The following STMN3 variants were observed in gnomAD, a reference collection of about 807,000 sequenced individuals.
The protein encoded by STMN3 is stathmin 3, also known as stathmin-3.
Under a neutral mutation model 23.2 loss-of-function variants are expected in STMN3, and 24 were observed. The ratio of observed to expected loss-of-function variants is 1.03; its 90% confidence interval spans 0.75 to 1.45. The LOEUF (loss-of-function observed/expected upper bound fraction) is 1.45. Ranked by LOEUF, STMN3 falls within the 40% of genes most tolerant of loss-of-function variation. The pLI is 0.00. For synonymous variants in STMN3, 117 were observed against 103.4 expected, an observed-to-expected ratio of 1.13 and a Z score of -0.80; for missense variants, 235 against 237.6, an observed-to-expected ratio of 0.99 and a Z score of 0.07.
At chr20:63,650,059 C>T (rs1404980080) in intron 1 of STMN3, among the ~76,000 whole-genome samples, 1 of 151,472 alleles carries the variant, frequency 6.6e-6, no homozygotes, top group Non-Finnish European at 1.5e-5. Context: ...AACTCCTGAC[C>T]TCCGGTGATC....
Position 63,644,271 on chromosome 20 carries a change from G to A in STMN3, c.58C>T (p.Leu20Phe), listed in dbSNP as rs749713904. 1.2e-5 allele frequency: 20 copies of A among 1,613,632 alleles called. No individual in the cohort carries two copies. The Admixed American group carries it at 3.2e-4, about 26-fold the overall frequency. Residue 20 changes from leucine to phenylalanine, a missense_variant, in exon 2 of 5, where the codon CTC (leucine) becomes TTC (phenylalanine). Leu to Phe is a conservative substitution (Grantham distance 22). Coordinates refer to ENST00000370053, the MANE Select transcript of STMN3 (RefSeq NM_015894.4). ...EKMKELSVLS[L>F]ICSCFYTQPH... ...TGTGTGTAGAAGCAGGAGCAGATGA[G>A]CGACAGCACCGACAGCTCCTTCATC...
chr20:63,641,480 G>T lies in STMN3; in HGVS notation c.484-83C>A, dbSNP rs550443311. On this transcript the variant is annotated intron_variant, in intron 4 of 4. Coordinates refer to ENST00000370053, the MANE Select transcript of STMN3 (RefSeq NM_015894.4). ...AACCCCCAGGCGCGCAGGCCGTGGC[G>T]CCCTGGCACCCGCCCGGCCTCATCC... The T allele has an allele frequency of 8.3e-6, 10 of 1,199,046 alleles. No homozygotes were observed. The South Asian group carries it at 1.2e-4, about 14-fold the overall frequency. The allele number at this position is 1,199,046 out of a possible 1,614,324, so 74.3% of individuals were successfully genotyped here.
intron 1 of STMN3, among the ~76,000 whole-genome samples, chr20:63,645,563 G>A (rs1279302600): frequency 6.6e-6 from 1 of 152,238 alleles, no homozygotes; most frequent in Non-Finnish European, 1.5e-5. Context: ...GAAGGCGCCT[G>A]CTGTCACAGT....
rs912389228 is a variant in STMN3 at position 63,643,322 on chromosome 20, CG to C, written c.291+433del. Among the ~76,000 whole-genome samples, 21 of 152,276 alleles carry C rather than the reference CG, an allele frequency of 1.4e-4. 1 individual carries two copies. The highest frequency in any genetic ancestry group is 1.1e-3 in the Admixed American group (17 of 15,292). ...TGAAATGGAGTCTCACCCTGTCGCC[CG>C]GGCTGAGGAGTGCAGTGGCGCAGTC... On this transcript the variant is annotated intron_variant, in intron 3 of 4. Coordinates refer to ENST00000370053, the MANE Select transcript of STMN3 (RefSeq NM_015894.4).
chr20:63,642,734 G>T (rs932711300), intron 3 of STMN3, among the ~76,000 whole-genome samples: 6 of 152,198 alleles, frequency 3.9e-5, no homozygotes, highest in Non-Finnish European at 2.9e-5. Context: ...TTACACACCG[G>T]GTTCCCAGCT....
In STMN3 at chr20:63,641,067, C is replaced by G. The variant is rs1230784122; in HGVS notation, c.*271G>C. 1.8e-6 allele frequency: 1 copy of G among 546,602 alleles called. No homozygotes were observed. The highest frequency in any genetic ancestry group is 3.0e-5 in the Admixed American group (1 of 33,124). 33.9% of individuals were successfully genotyped at this position (546,602 alleles called of 1,614,324 possible). ...GTTTACCACGGTCACCGCCACCTCT[C>G]TCACAGGGCCCCCGGGGGACCCAGC... On this transcript the variant is annotated 3_prime_UTR_variant, in exon 5 of 5. Coordinates refer to ENST00000370053, the MANE Select transcript of STMN3 (RefSeq NM_015894.4).
Position 63,643,872 on chromosome 20 carries a change from TGAG to T in STMN3, c.172_174del (p.Leu58del). 1 of 1,591,710 alleles carries T rather than the reference TGAG, an allele frequency of 6.3e-7. No homozygotes were observed. The highest frequency in any genetic ancestry group is 8.5e-7 in the Non-Finnish European group (1 of 1,174,310). On this transcript the variant is annotated inframe_deletion, in exon 3 of 5. Coordinates refer to ENST00000370053, the MANE Select transcript of STMN3 (RefSeq NM_015894.4). ...TCTGGGGACAGGTCAGAAGGGGACT[TGAG>T]GATGACCTCGAAGCTCTGGCCTGAG...
intron 1 of STMN3, among the ~76,000 whole-genome samples, chr20:63,645,115 T>A (rs1197808517): frequency 2.6e-5 from 4 of 152,178 alleles, no homozygotes; most frequent in African/African-American, 7.2e-5. Context: ...TCACTGTGTG[T>A]CTTTCTGACT....
chr20:63,642,281 G>A lies in STMN3; in HGVS notation c.310C>T (p.Leu104=). The A allele has an allele frequency of 6.5e-7, 1 of 1,536,040 alleles. No individual in the cohort carries two copies. Among genetic ancestry groups the A allele is most frequent in the Non-Finnish European group, 8.8e-7 (1 of 1,142,258 alleles). The change falls in exon 4 of 5, where the codon CTG becomes TTG. Residue 104 remains leucine (L), a synonymous_variant. Coordinates refer to ENST00000370053, the MANE Select transcript of STMN3 (RefSeq NM_015894.4). ...TCGCGCCGCTCCGCCAGCTGCTTCA[G>A]CACCTGCGCCTCCTGCGTCTGTGCG... ...ERRKTQEAQV[L]KQLAERREHE... is the part of the protein sequence containing the mutation.
Position 63,652,780 on chromosome 20 carries a change from G to A in STMN3, c.19+547C>T. 1 of 985,576 alleles carries A rather than the reference G, an allele frequency of 1.0e-6. No homozygotes were observed. Among genetic ancestry groups the A allele is most frequent in the Non-Finnish European group, 1.2e-6 (1 of 830,104 alleles). The allele number at this position is 985,576 out of a possible 1,614,324, so 61.1% of individuals were successfully genotyped here. On this transcript the variant is annotated intron_variant, in intron 1 of 4. Coordinates refer to ENST00000370053, the MANE Select transcript of STMN3 (RefSeq NM_015894.4). This position sits in a 1 kb window ranked among gnomAD's most constrained non-coding sequence, Gnocchi z 5.3. ...CCGCAGCGGTGTGGGGGGAGGGCGCGGTCCCCCTCACTCCGGGCTCCGCCG... is the reference window on the plus strand; with the variant it reads ...CCGCAGCGGTGTGGGGGGAGGGCGCAGTCCCCCTCACTCCGGGCTCCGCCG...
At position 63,652,878 on chromosome 20, in the gene STMN3, C is replaced by T. The variant is rs1188505740; in HGVS notation, c.19+449G>A. ...GCACTGGCGCGGGGAGCGCCGGGTTCCCGGCTGGGGCTTTGGCAGAGGGTC... is the reference window on the plus strand; with the variant it reads ...GCACTGGCGCGGGGAGCGCCGGGTTTCCGGCTGGGGCTTTGGCAGAGGGTC... On this transcript the variant is annotated intron_variant, in intron 1 of 4. Coordinates refer to ENST00000370053, the MANE Select transcript of STMN3 (RefSeq NM_015894.4). This position sits in a 1 kb window ranked among gnomAD's most constrained non-coding sequence, Gnocchi z 5.3. 3 of 818,180 alleles carry T rather than the reference C, an allele frequency of 3.7e-6. No individual in the cohort carries two copies. Among genetic ancestry groups the T allele is most frequent in the East Asian group, 2.5e-4 (2 of 8,058 alleles). The allele number at this position is 818,180 out of a possible 1,614,324, so 50.7% of individuals were successfully genotyped here.
In STMN3 at chr20:63,650,445, G is replaced by A. The variant is rs567010672; in HGVS notation, c.19+2882C>T. On this transcript the variant is annotated intron_variant, in intron 1 of 4. Transcript: ENST00000370053. Reference sequence around the variant, plus strand: ...GTCACACCTCACGCCCACCCCTCCCGCCGTCCAGGTGGATGGTGCCCACTC... The same window carrying A: ...GTCACACCTCACGCCCACCCCTCCCACCGTCCAGGTGGATGGTGCCCACTC... 7.5e-3 allele frequency among the ~76,000 whole-genome samples: 1,010 copies of A among 134,940 alleles called. 13 individuals are homozygous for A. The highest frequency in any genetic ancestry group is 0.026 in the African/African-American group (941 of 35,598). The allele number at this position is 134,940 out of a possible 152,430, so 88.5% of individuals were successfully genotyped here.
intron 1 of STMN3, among the ~76,000 whole-genome samples, chr20:63,651,207 G>A (rs1456107397): frequency 6.6e-6 from 1 of 151,918 alleles, no homozygotes; most frequent in Non-Finnish European, 1.5e-5. Flanking sequence ...TTTATCCACC[G>A]GCCTCAGCCT....
chr20:63,645,057 C>G (rs1339793303), intron 1 of STMN3, among the ~76,000 whole-genome samples: 2 of 152,180 alleles, frequency 1.3e-5, no homozygotes, highest in East Asian at 3.8e-4. Flanking sequence ...CTGGGGGTAG[C>G]CCCTGACTCT....
chr20:63,640,956 C>T lies in STMN3; in HGVS notation c.*382G>A, dbSNP rs1487832079. 8.8e-6 allele frequency: 3 copies of T among 342,044 alleles called. No individual in the cohort carries two copies. The highest frequency in any genetic ancestry group is 1.7e-5 in the Non-Finnish European group (3 of 178,724). 21.2% of individuals were successfully genotyped at this position (342,044 alleles called of 1,614,324 possible). On this transcript the variant is annotated 3_prime_UTR_variant, in exon 5 of 5. Transcript: ENST00000370053. The stretch of plus-strand genomic sequence containing the variant: ...TGTAGCCTCGCCTGCTGGCCAGGGG[C>T]GCCGGCTCAGAGGACCTGCCCTGAC...
At chr20:63,648,287 G>A (rs957680900) in intron 1 of STMN3, among the ~76,000 whole-genome samples, 3 of 151,924 alleles carry the variant, frequency 2.0e-5, no homozygotes, top group African/African-American at 7.3e-5. Flanking sequence ...GAGAGCAAGA[G>A]GGAGTTTGGG....
intron 1 of STMN3, among the ~76,000 whole-genome samples, chr20:63,650,131 C>G (rs563398671): frequency 1.4e-4 from 15 of 107,696 alleles, no homozygotes; most frequent in South Asian, 7.3e-4. Flanking sequence ...CCTGGCCCCC[C>G]GCAGTGCTGG....
At position 63,642,183 on chromosome 20, in the gene STMN3, G is replaced by C; in HGVS notation, c.408C>G (p.Leu136=). The C allele has an allele frequency of 6.4e-7, 1 of 1,557,918 alleles. No individual in the cohort carries two copies. The highest frequency in any genetic ancestry group is 8.7e-7 in the Non-Finnish European group (1 of 1,154,632). ...NNFSRQAEEK[L]NYKMELSKEI... ...CCTTGCTGAGCTCCATCTTGTAGTTGAGCTTCTCCTCCGCCTGGCGGCTGA... is the reference window on the plus strand; with the variant it reads ...CCTTGCTGAGCTCCATCTTGTAGTTCAGCTTCTCCTCCGCCTGGCGGCTGA... The change falls in exon 4 of 5, where the codon CTC becomes CTG. Residue 136 remains leucine (L), a synonymous_variant. Coordinates refer to ENST00000370053, the MANE Select transcript of STMN3 (RefSeq NM_015894.4).
At chr20:63,647,643 T>C (rs2089819364) in intron 1 of STMN3, among the ~76,000 whole-genome samples, 1 of 136,938 alleles carries the variant, frequency 7.3e-6, no homozygotes, top group Non-Finnish European at 1.5e-5. Context: ...AACATATATA[T>C]ATATACATGT....
Sources: gnomAD v4.1 joint callset for allele counts (sites outside exome capture counted in the v4.1 genomes callset) on GRCh38, gnomAD v4.1.1 for gene constraint, Gnocchi (gnomAD v3.1) non-coding constraint, MANE v1.5 for transcripts, NCBI Gene and HGNC (gene_info 2026-07-23, HGNC 2026-07-21) for gene names.